The following TACR1 variants were observed in gnomAD, a reference collection of about 807,000 sequenced individuals.
TACR1 encodes tachykinin receptor 1, also known as substance-P receptor.
TACR1 carries 25 observed loss-of-function variants against 35.8 expected under a neutral mutation model. The ratio of observed to expected loss-of-function variants is 0.70; its 90% confidence interval spans 0.51 to 0.98. The LOEUF is 0.98. TACR1 is among the 50% of genes least tolerant of loss of function. The probability of loss-of-function intolerance (pLI) is 0.00; values close to 1 mark genes in which losing one functional copy is unlikely to be tolerated. For missense variants in TACR1, 478 were observed against 522.9 expected (o/e 0.91, Z 0.84); for synonymous variants, 195 against 206.7 (o/e 0.94, Z 0.48).
At chr2:75,115,864 GCC>G in intron 2 of TACR1, among the ~76,000 whole-genome samples, 1 of 121,970 alleles carries the variant, frequency 8.2e-6, no homozygotes, top group South Asian at 2.6e-4. Context: ...CCGAGATCGC[GCC>G]ACTGCACTCC....
chr2:75,097,228 T>G (rs3755461), intron 2 of TACR1, among the ~76,000 whole-genome samples: 1 of 151,986 alleles, frequency 6.6e-6, no homozygotes, highest in East Asian at 1.9e-4. Flanking sequence ...CAAATAAAGA[T>G]AGCGAAGTGT....
At chr2:75,109,700 G>T (rs1047035766) in intron 2 of TACR1, among the ~76,000 whole-genome samples, 1 of 152,122 alleles carries the variant, frequency 6.6e-6, no homozygotes, top group African/African-American at 2.4e-5. Flanking sequence ...GAAAAGGGCA[G>T]AAAATACTGC....
chr2:75,088,871 C>T (rs1486635380), intron 2 of TACR1, among the ~76,000 whole-genome samples: 1 of 152,170 alleles, frequency 6.6e-6, no homozygotes, highest in Admixed American at 6.5e-5. Flanking sequence ...TTCACATCTT[C>T]TCCCTCTTCC....
chr2:75,070,542 TCA>T (rs1672858223), intron 2 of TACR1, among the ~76,000 whole-genome samples: 1 of 152,198 alleles, frequency 6.6e-6, no homozygotes, highest in African/African-American at 2.4e-5. Context: ...CCTCCAAAGG[TCA>T]CACAGCAGAC....
chr2:75,143,498 A>T (rs1478238379), intron 1 of TACR1, among the ~76,000 whole-genome samples: 7 of 152,236 alleles, frequency 4.6e-5, no homozygotes, highest in Non-Finnish European at 8.8e-5. Flanking sequence ...CTGATCGAGC[A>T]TTACTGTGTG....
chr2:75,188,562 A>C (rs985466989), intron 1 of TACR1: 14 of 152,242 alleles, frequency 9.2e-5, no homozygotes, highest in African/African-American at 1.4e-4. Context: ...GCAGAGTATC[A>C]TTACAGATTA....
At chr2:75,178,139 A>C (rs913623970) in intron 1 of TACR1, among the ~76,000 whole-genome samples, 5 of 151,462 alleles carry the variant, frequency 3.3e-5, no homozygotes, top group Non-Finnish European at 1.5e-5. Flanking sequence ...CTTTGCTCCT[A>C]CATTCATTCA....
At chr2:75,149,904 GAT>G (rs1428739638) in intron 1 of TACR1, among the ~76,000 whole-genome samples, 6 of 152,262 alleles carry the variant, frequency 3.9e-5, no homozygotes. Context: ...ATTATTTTGA[GAT>G]ATGTTCCGTC....
intron 1 of TACR1, among the ~76,000 whole-genome samples, chr2:75,125,093 C>T (rs1674047453): frequency 6.6e-6 from 1 of 152,244 alleles, no homozygotes. Context: ...GTGTTTGTTG[C>T]CTGCCTTTAC....
chr2:75,179,895 G>T (rs541169978), intron 1 of TACR1, among the ~76,000 whole-genome samples: 1 of 152,260 alleles, frequency 6.6e-6, no homozygotes, highest in East Asian at 1.9e-4. Context: ...ATTGAGATTT[G>T]GGGGTTTGCC....
chr2:75,113,045 C>T (rs1250126785), intron 2 of TACR1, among the ~76,000 whole-genome samples: 1 of 152,132 alleles, frequency 6.6e-6, no homozygotes, highest in Non-Finnish European at 1.5e-5. Context: ...CCATATTGTT[C>T]TGTGCTCTTG....
chr2:75,049,088 C>T lies in TACR1; in HGVS notation c.*344G>A. On this transcript the variant is annotated 3_prime_UTR_variant, in exon 5 of 5. Transcript: ENST00000305249. The stretch of plus-strand genomic sequence containing the variant: ...GAAAATGAGTCTTCCGGGTCCGCAG[C>T]TGTGCTGCAGAATTCATCCTGAAAT... 4.2e-6 allele frequency: 1 copy of T among 237,166 alleles called. No homozygotes were observed. Among genetic ancestry groups the T allele is most frequent in the Non-Finnish European group, 8.1e-6 (1 of 123,080 alleles). 14.7% of individuals were successfully genotyped at this position (237,166 alleles called of 1,614,324 possible).
intron 1 of TACR1, among the ~76,000 whole-genome samples, chr2:75,167,873 T>C (rs1675182387): frequency 2.0e-5 from 3 of 152,062 alleles, no homozygotes; most frequent in Admixed American, 1.3e-4. Context: ...TAAATTCAAA[T>C]AGAAAAATGA....
At chr2:75,088,025 C>T (rs1256315409) in intron 2 of TACR1, among the ~76,000 whole-genome samples, 1 of 152,174 alleles carries the variant, frequency 6.6e-6, no homozygotes, top group African/African-American at 2.4e-5. Flanking sequence ...CATCTGTAGT[C>T]CCCCCATGTC....
chr2:75,082,837 A>G (rs1015241189), intron 2 of TACR1, among the ~76,000 whole-genome samples: 51 of 152,184 alleles, frequency 3.4e-4, no homozygotes, highest in African/African-American at 1.1e-3. Context: ...CCTTTGTCAG[A>G]TGAGTAGATT....
intron 1 of TACR1, among the ~76,000 whole-genome samples, chr2:75,128,940 G>C (rs1418117641): frequency 2.0e-5 from 3 of 152,168 alleles, no homozygotes; most frequent in Non-Finnish European, 4.4e-5. Flanking sequence ...GGACAAACTA[G>C]ATCCTTTGTG....
At chr2:75,074,261 T>C (rs1295292655) in intron 2 of TACR1, among the ~76,000 whole-genome samples, 1 of 152,094 alleles carries the variant, frequency 6.6e-6, no homozygotes, top group Non-Finnish European at 1.5e-5. Flanking sequence ...AAGTGTTGGC[T>C]GTGTAGTTGT....
intron 1 of TACR1, chr2:75,154,403 C>CGCGT (rs1674758844): frequency 1.1e-5 from 1 of 88,078 alleles, no homozygotes; most frequent in Non-Finnish European, 2.5e-5. Flanking sequence ...CAGCCAAGAG[C>CGCGT]GCGCACGCAC....
At chr2:75,110,359 T>A (rs1227185491) in intron 2 of TACR1, among the ~76,000 whole-genome samples, 1 of 152,044 alleles carries the variant, frequency 6.6e-6, no homozygotes, top group Non-Finnish European at 1.5e-5. Flanking sequence ...TTACTTAATT[T>A]AAAAATGCAG....
Sources: gnomAD v4.1 joint callset for allele counts (sites outside exome capture counted in the v4.1 genomes callset) on GRCh38, gnomAD v4.1.1 for gene constraint, MANE v1.5 for transcripts, NCBI Gene and HGNC (gene_info 2026-07-23, HGNC 2026-07-21) for gene names.